The following SLC25A21 variants were observed in gnomAD, a reference collection of about 807,000 sequenced individuals.
SLC25A21 encodes solute carrier family 25 member 21.
In SLC25A21, 47 loss-of-function variants were observed where a neutral mutation model predicts 43.8. The observed-to-expected ratio is 1.07, with a 90% CI of 0.85 to 1.37. The LOEUF (loss-of-function observed/expected upper bound fraction) is 1.37, where lower values mean the gene tolerates loss of function less well. SLC25A21 is among the 40% of genes most tolerant of loss of function. SLC25A21 has a pLI of 0.00. For synonymous variants in SLC25A21, 131 were observed against 121.3 expected (o/e 1.08, Z -0.52); for missense variants, 352 against 350.2 (o/e 1.00, Z -0.04).
intron 1 of SLC25A21, among the ~76,000 whole-genome samples, chr14:37,004,990 G>C (rs1021170259): frequency 6.7e-6 from 1 of 148,150 alleles, no homozygotes; most frequent in Admixed American, 6.8e-5. Flanking sequence ...GTGGCTTTAT[G>C]ATCCATATCT....
rs1392165040 is a variant in SLC25A21, at chr14:36,729,532, C to T, written c.305G>A (p.Gly102Glu). 1.9e-6 allele frequency: 3 copies of T among 1,608,908 alleles called. No individual in the cohort carries two copies. The highest frequency in any genetic ancestry group is 1.1e-5 in the South Asian group (1 of 89,784). The change falls in exon 5 of 10, where the codon GGA becomes GAA. Residue 102 changes from glycine (G) to glutamate (E), a missense_variant. Coordinates refer to ENST00000331299, the MANE Select transcript of SLC25A21 (RefSeq NM_030631.4). ...FTFEQYKKLL[G>E]YVSLSPALTF... is the part of the protein sequence containing the mutation. ...CAATGCTGGTGACAGTGACACATAT[C>T]CCAGCAATTTCTTGTACTGCTCAAA...
At chr14:37,022,709 G>T (rs1961013107) in intron 1 of SLC25A21, among the ~76,000 whole-genome samples, 1 of 151,928 alleles carries the variant, frequency 6.6e-6, no homozygotes, top group African/African-American at 2.4e-5. Flanking sequence ...AATGAAGTCT[G>T]GAATGTAAAA....
intron 1 of SLC25A21, among the ~76,000 whole-genome samples, chr14:37,043,337 C>T (rs115543259): frequency 0.012 from 1,865 of 152,224 alleles, 29 homozygotes; most frequent in African/African-American, 0.042. Context: ...GAAGAACTCC[C>T]CAGAATAAGG....
chr14:36,963,384 G>A lies in SLC25A21; in HGVS notation c.71-88380C>T, dbSNP rs576598513. On this transcript the variant is annotated intron_variant, in intron 1 of 9. Transcript: ENST00000331299. ...TCTGAACAGCATGTTAGCAAAGAAGGTATTTATGGCTGACAGAGTAATGGG... is the reference window on the plus strand; with the variant it reads ...TCTGAACAGCATGTTAGCAAAGAAGATATTTATGGCTGACAGAGTAATGGG... 7.2e-5 allele frequency among the ~76,000 whole-genome samples: 11 copies of A among 152,204 alleles called. No individual in the cohort carries two copies. The East Asian group carries it at 1.5e-3, about 21-fold the overall frequency.
chr14:36,701,707 G>A (rs1566512261), intron 7 of SLC25A21, among the ~76,000 whole-genome samples: 1 of 151,960 alleles, frequency 6.6e-6, no homozygotes, highest in Non-Finnish European at 1.5e-5. Context: ...ATATTCAGGT[G>A]GTTAGATAAT....
chr14:36,885,709 T>C (rs887487367), intron 1 of SLC25A21, among the ~76,000 whole-genome samples: 7 of 152,248 alleles, frequency 4.6e-5, no homozygotes, highest in Non-Finnish European at 7.3e-5. Flanking sequence ...AGAGGAATTA[T>C]GTGTCTAAAA....
At chr14:37,047,613 A>G (rs17106088) in intron 1 of SLC25A21, among the ~76,000 whole-genome samples, 10,983 of 152,262 alleles carry the variant, frequency 0.072, 844 homozygotes, top group African/African-American at 0.19. Flanking sequence ...AAAGTATGTA[A>G]CATAACAAGA....
At chr14:36,973,490 C>G (rs550911971) in intron 1 of SLC25A21, among the ~76,000 whole-genome samples, 1 of 152,182 alleles carries the variant, frequency 6.6e-6, no homozygotes, top group South Asian at 2.1e-4. Flanking sequence ...CTTCCATTAC[C>G]AGAAAGAGAG....
chr14:37,001,384 G>A (rs1374604257), intron 1 of SLC25A21, among the ~76,000 whole-genome samples: 1 of 152,128 alleles, frequency 6.6e-6, no homozygotes, highest in African/African-American at 2.4e-5. Context: ...GATGCCCAGA[G>A]AAGTTAAATA....
intron 1 of SLC25A21, among the ~76,000 whole-genome samples, chr14:37,112,368 G>C (rs1022677349): frequency 6.6e-6 from 1 of 152,122 alleles, no homozygotes; most frequent in African/African-American, 2.4e-5. Flanking sequence ...AAGCACAAAA[G>C]AGTAAGAATA....
At chr14:36,903,464 T>C (rs1335647094) in intron 1 of SLC25A21, among the ~76,000 whole-genome samples, 2 of 151,336 alleles carry the variant, frequency 1.3e-5, no homozygotes, top group Non-Finnish European at 1.5e-5. Context: ...ATACAAAAAA[T>C]TAGCCAGGCC....
chr14:36,989,593 ATTTTAAC>A (rs1960219710), intron 1 of SLC25A21, among the ~76,000 whole-genome samples: 1 of 151,902 alleles, frequency 6.6e-6, no homozygotes, highest in African/African-American at 2.4e-5. Flanking sequence ...CTATAACACT[ATTTTAAC>A]TTTTAAAGGT....
chr14:36,762,401 C>G (rs150913943), intron 3 of SLC25A21, among the ~76,000 whole-genome samples: 31 of 152,328 alleles, frequency 2.0e-4, no homozygotes, highest in South Asian at 6.2e-4. Context: ...CTGCCTTCCA[C>G]TGACACTCCT....
chr14:37,082,415 C>G (rs983431882), intron 1 of SLC25A21, among the ~76,000 whole-genome samples: 2 of 151,966 alleles, frequency 1.3e-5, no homozygotes, highest in Admixed American at 6.6e-5. Flanking sequence ...TTTTTAAAAA[C>G]CTAAAAAAGA....
Position 37,172,337 on chromosome 14 carries a change from G to T in SLC25A21, c.14C>A (p.Pro5His). 1 of 1,601,574 alleles carries T rather than the reference G, an allele frequency of 6.2e-7. No individual in the cohort carries two copies. Among genetic ancestry groups the T allele is most frequent in the African/African-American group, 1.3e-5 (1 of 74,846 alleles). ...AGCCTCGCGCACTAAGCTGACTTCA[G>T]GCTTGGCGGACATCTTCGCCAGGCG... MSAK[P>H]EVSLVREASR... Residue 5 changes from proline to histidine, a missense_variant, in exon 1 of 10, where the codon CCT becomes CAT. Physicochemically the swap from Pro to His is moderately conservative, Grantham distance 77. Coordinates refer to ENST00000331299, the MANE Select transcript of SLC25A21 (RefSeq NM_030631.4).
intron 1 of SLC25A21, among the ~76,000 whole-genome samples, chr14:37,165,699 A>C (rs936424472): frequency 7.2e-5 from 11 of 152,208 alleles, no homozygotes; most frequent in African/African-American, 2.4e-4. Flanking sequence ...CTAAGATAAC[A>C]TTGTCACAGA....
chr14:36,730,412 G>A (rs1223782603), intron 4 of SLC25A21, among the ~76,000 whole-genome samples: 1 of 152,080 alleles, frequency 6.6e-6, no homozygotes, highest in Non-Finnish European at 1.5e-5. Flanking sequence ...GATAAGGCAC[G>A]TTTTTAAGTT....
rs80064180 is a variant in SLC25A21 at position 36,818,745 on chromosome 14, C to T, written c.120-4744G>A. ...TGATATAATTATAGTGCATTTTGGT[C>T]AATCATGTAAAACAGCAATTTCCTT... On this transcript the variant is annotated intron_variant, in intron 2 of 9. Coordinates refer to ENST00000331299, the MANE Select transcript of SLC25A21 (RefSeq NM_030631.4). Among the ~76,000 whole-genome samples, 443 of 152,286 alleles carry T rather than the reference C, an allele frequency of 2.9e-3. 2 individuals carry two copies. Among genetic ancestry groups the T allele is most frequent in the African/African-American group, 0.01 (428 of 41,568 alleles).
chr14:37,105,315 G>C (rs1962890280), intron 1 of SLC25A21, among the ~76,000 whole-genome samples: 1 of 152,178 alleles, frequency 6.6e-6, no homozygotes, highest in Non-Finnish European at 1.5e-5. Flanking sequence ...AAATAAAACA[G>C]ATAATAAACA....
Sources: gnomAD v4.1 joint callset for allele counts (sites outside exome capture counted in the v4.1 genomes callset) on GRCh38, gnomAD v4.1.1 for gene constraint, MANE v1.5 for transcripts, NCBI Gene and HGNC (gene_info 2026-07-23, HGNC 2026-07-21) for gene names.